PDE10A: variants seen among roughly 807,000 people sequenced by gnomAD.
PDE10A encodes the protein phosphodiesterase 10A.
In PDE10A, 39 loss-of-function variants were observed where a neutral mutation model predicts 97.7. The observed-to-expected ratio is 0.40, with a 90% CI of 0.31 to 0.52. PDE10A has a LOEUF of 0.52. PDE10A is among the 20% of genes least tolerant of loss of function. The pLI is 0.56. For missense variants in PDE10A, 731 were observed against 1,047.8 expected, an observed-to-expected ratio of 0.70 and a Z score of 4.17; for synonymous variants, 371 against 376.8, an observed-to-expected ratio of 0.98 and a Z score of 0.18.
At position 165,384,650 on chromosome 6, in the gene PDE10A, GTGTGTGTGTGTGTGTGTGTAT is replaced by G. The variant is rs1490037524; in HGVS notation, c.2610+3627_2610+3647del. 4.1e-3 allele frequency among the ~76,000 whole-genome samples: 217 copies of G among 53,544 alleles called. 6 individuals carry two copies. Among genetic ancestry groups the G allele is most frequent in the Middle Eastern group, 0.013 (2 of 156 alleles). 35.1% of individuals were successfully genotyped at this position (53,544 alleles called of 152,430 possible). ...TGAGTGAGTGTGTGTGTGTGTGTGT[GTGTGTGTGTGTGTGTGTGTAT>G]GGGGGGGGGCGACTAAAGGTTAGCT... On this transcript the variant is annotated intron_variant, in intron 17 of 21. Transcript: ENST00000539869.
intron 1 of PDE10A, among the ~76,000 whole-genome samples, chr6:165,746,328 A>ATTGACACTTGCGTGGGGTACATTTT (rs1267568380): frequency 8.5e-5 from 13 of 152,202 alleles, no homozygotes; most frequent in African/African-American, 3.1e-4. Context: ...GGGTACATTT[A>ATTGACACTTGCGTGGGGTACATTTT]TTGACTCTTT....
chr6:165,393,934 A>C (rs1313519348), intron 15 of PDE10A, among the ~76,000 whole-genome samples: 1 of 152,218 alleles, frequency 6.6e-6, no homozygotes, highest in Non-Finnish European at 1.5e-5. Context: ...AAATGGTGCC[A>C]TAATCAAATT....
intron 1 of PDE10A, among the ~76,000 whole-genome samples, chr6:165,707,291 C>G (rs760507743): frequency 3.3e-5 from 5 of 152,310 alleles, no homozygotes; most frequent in Non-Finnish European, 7.3e-5. Context: ...GTCCTCTCCT[C>G]TGCTCAGAAC....
intron 1 of PDE10A, among the ~76,000 whole-genome samples, chr6:165,750,094 AGGAAGGTGT>A (rs1792962652): frequency 1.3e-5 from 2 of 152,168 alleles, no homozygotes; most frequent in South Asian, 4.1e-4. Flanking sequence ...TTGAAGACTC[AGGAAGGTGT>A]GGAGAGTGGT....
chr6:165,940,559 C>G (rs12208047), intron 1 of PDE10A: 23,754 of 152,326 alleles, frequency 0.16, 2,049 homozygotes, highest in Non-Finnish European at 0.19. Flanking sequence ...TCCGCTTCTG[C>G]TCACACTGGC....
intron 1 of PDE10A, among the ~76,000 whole-genome samples, chr6:165,956,641 G>C (rs938933140): frequency 6.6e-6 from 1 of 152,190 alleles, no homozygotes; most frequent in Non-Finnish European, 1.5e-5. Flanking sequence ...CCTGTGACAA[G>C]ATTTACCAGA....
chr6:165,554,694 C>T (rs149056375), intron 1 of PDE10A, among the ~76,000 whole-genome samples: 369 of 152,200 alleles, frequency 2.4e-3, no homozygotes, highest in African/African-American at 8.5e-3. Flanking sequence ...ATCAGTATAT[C>T]GATGAGATAC....
At chr6:165,722,015 C>T (rs1792178522) in intron 1 of PDE10A, among the ~76,000 whole-genome samples, 1 of 152,158 alleles carries the variant, frequency 6.6e-6, no homozygotes, top group Non-Finnish European at 1.5e-5. Context: ...AAGGTGATTT[C>T]TTAAATATGC....
In PDE10A at chr6:165,450,269, AGAG is replaced by A; in HGVS notation, c.1114_1116del (p.Leu372del). 1 of 1,607,298 alleles carries A rather than the reference AGAG, an allele frequency of 6.2e-7. No individual in the cohort carries two copies. Among genetic ancestry groups the A allele is most frequent in the Non-Finnish European group, 8.5e-7 (1 of 1,175,934 alleles). On this transcript the variant is annotated inframe_deletion, in exon 4 of 22. Transcript: ENST00000539869. Reference sequence around the variant, plus strand: ...ATTTTAATGATGCTGCTCAGTTCATAGAGGAGTAGCTGGTTGTCTCCTCCTGTG... The same window carrying A: ...ATTTTAATGATGCTGCTCAGTTCATAGAGTAGCTGGTTGTCTCCTCCTGTG...
chr6:165,840,396 C>T (rs61035093), intron 1 of PDE10A, among the ~76,000 whole-genome samples: 374 of 152,316 alleles, frequency 2.5e-3, no homozygotes, highest in African/African-American at 8.2e-3. Context: ...TTTCCTTTTG[C>T]TCCATTCTAG....
chr6:165,546,056 T>A (rs1368819415), intron 1 of PDE10A, among the ~76,000 whole-genome samples: 2 of 151,858 alleles, frequency 1.3e-5, no homozygotes, highest in Admixed American at 1.3e-4. Flanking sequence ...CTGTGATACA[T>A]CCATACGACT....
chr6:165,602,384 G>A (rs993050525), intron 1 of PDE10A, among the ~76,000 whole-genome samples: 27 of 152,036 alleles, frequency 1.8e-4, no homozygotes, highest in African/African-American at 5.1e-4. Context: ...GTCTCCCTTC[G>A]GTCTCTCTCG....
chr6:165,605,449 A>G (rs1787162405), intron 1 of PDE10A, among the ~76,000 whole-genome samples: 2 of 152,134 alleles, frequency 1.3e-5, no homozygotes, highest in South Asian at 4.1e-4. Context: ...GTAGTTCCCA[A>G]TGTTTCACAG....
chr6:165,839,857 CT>C (rs1562762470), intron 1 of PDE10A, among the ~76,000 whole-genome samples: 10 of 84,880 alleles, frequency 1.2e-4, no homozygotes, highest in East Asian at 1.1e-3. Context: ...ATCTCCATCC[CT>C]GTCTCCATTC....
At chr6:165,398,709 T>C (rs967785018) in intron 13 of PDE10A, among the ~76,000 whole-genome samples, 13 of 152,092 alleles carry the variant, frequency 8.5e-5, no homozygotes, top group Non-Finnish European at 1.9e-4. Context: ...AAGATTTCTA[T>C]CAGTTAAAAC....
chr6:165,918,336 TAC>T (rs977272619), intron 1 of PDE10A, among the ~76,000 whole-genome samples: 2 of 152,214 alleles, frequency 1.3e-5, no homozygotes, highest in African/African-American at 2.4e-5. Context: ...GTAAATATAA[TAC>T]ACGTTTTCAG....
At chr6:165,585,492 G>A (rs893984368) in intron 1 of PDE10A, among the ~76,000 whole-genome samples, 3 of 152,182 alleles carry the variant, frequency 2.0e-5, no homozygotes, top group Admixed American at 6.5e-5. Context: ...CCTTAAAAGA[G>A]GGAGGCAGAG....
chr6:165,373,619 T>C (rs1283904620), intron 18 of PDE10A, among the ~76,000 whole-genome samples: 1 of 152,108 alleles, frequency 6.6e-6, no homozygotes, highest in African/African-American at 2.4e-5. Flanking sequence ...AGGAACACTT[T>C]TACACTGTTG....
At chr6:165,802,105 G>A (rs1367869345) in intron 1 of PDE10A, among the ~76,000 whole-genome samples, 3 of 152,206 alleles carry the variant, frequency 2.0e-5, no homozygotes, top group Non-Finnish European at 4.4e-5. Context: ...CACAAACAGT[G>A]ACAAGGGCTA....
Sources: gnomAD v4.1 joint callset for allele counts (sites outside exome capture counted in the v4.1 genomes callset) on GRCh38, gnomAD v4.1.1 for gene constraint, MANE v1.5 for transcripts, NCBI Gene and HGNC (gene_info 2026-07-23, HGNC 2026-07-21) for gene names.